Variants in ATE1 observed in about 807,000 individuals in gnomAD.
ATE1 encodes arginyl-tRNA--protein transferase 1.
Under a neutral mutation model 70.5 loss-of-function variants are expected in ATE1, and 36 were observed. The observed-to-expected ratio is 0.51, with a 90% CI of 0.39 to 0.67. The LOEUF is 0.67. ATE1 is among the 30% of genes least tolerant of loss of function. ATE1 has a pLI of 0.00. For missense variants in ATE1, 593 were observed against 629.5 expected, an observed-to-expected ratio of 0.94 and a Z score of 0.62; for synonymous variants, 232 against 219.3, an observed-to-expected ratio of 1.06 and a Z score of -0.51.
Position 121,893,001 on chromosome 10 carries a change from G to A in ATE1, c.942+6865C>T, listed in dbSNP as rs1008945354. 5.3e-5 allele frequency among the ~76,000 whole-genome samples: 8 copies of A among 152,198 alleles called. No homozygotes were observed. In the South Asian group the frequency reaches 1.5e-3, roughly 28 times the overall value. ...CTGACTTAAAAAGCAATTGTAGGCC[G>A]GGCACGGTGGCTTACGCTTGTAATC... On this transcript the variant is annotated intron_variant, in intron 7 of 11. Transcript: ENST00000224652.
intron 11 of ATE1, among the ~76,000 whole-genome samples, chr10:121,767,367 A>G (rs564673666): frequency 6.6e-6 from 1 of 152,332 alleles, no homozygotes; most frequent in South Asian, 2.1e-4. Context: ...TTTTTATTCA[A>G]AATAGTACTA....
At chr10:121,789,500 T>C (rs1360601491) in intron 11 of ATE1, among the ~76,000 whole-genome samples, 2 of 151,996 alleles carry the variant, frequency 1.3e-5, no homozygotes, top group African/African-American at 2.4e-5. Context: ...GGTTTCACCA[T>C]GTTGGCCAGG....
At chr10:121,869,937 C>T (rs567630054) in intron 8 of ATE1, 69 bp downstream of exon 8, 14 of 1,402,262 alleles carry the variant, frequency 1.0e-5, no homozygotes, top group East Asian at 6.9e-5. Flanking sequence ...AAATAAATGC[C>T]TAATGAAAGA....
At chr10:121,886,339 T>C (rs1590630209) in intron 7 of ATE1, among the ~76,000 whole-genome samples, 1 of 151,532 alleles carries the variant, frequency 6.6e-6, no homozygotes, top group African/African-American at 2.4e-5. Context: ...ACTGTCTGTG[T>C]GGAGCTTGCA....
chr10:121,764,069 A>G (rs1945171485), intron 11 of ATE1, among the ~76,000 whole-genome samples: 1 of 152,150 alleles, frequency 6.6e-6, no homozygotes, highest in Non-Finnish European at 1.5e-5. Flanking sequence ...GTTAACAATA[A>G]TGGATCAATA....
intron 8 of ATE1, among the ~76,000 whole-genome samples, chr10:121,845,567 A>C (rs1291075666): frequency 6.6e-6 from 1 of 152,198 alleles, no homozygotes; most frequent in African/African-American, 2.4e-5. Context: ...GCGGTTTCTA[A>C]GAATGAAGGT....
chr10:121,898,260 G>T (rs920409539), intron 7 of ATE1, among the ~76,000 whole-genome samples: 2 of 152,110 alleles, frequency 1.3e-5, no homozygotes, highest in Non-Finnish European at 2.9e-5. Context: ...TACAATGATG[G>T]AAAACGATTC....
intron 3 of ATE1, among the ~76,000 whole-genome samples, chr10:121,914,119 T>C (rs1951550536): frequency 6.6e-6 from 1 of 151,900 alleles, no homozygotes; most frequent in African/African-American, 2.4e-5. Flanking sequence ...CAGACTGGAG[T>C]ACACTGGCAC....
chr10:121,830,983 T>C (rs1481092521), intron 10 of ATE1, among the ~76,000 whole-genome samples: 1 of 152,222 alleles, frequency 6.6e-6, no homozygotes, highest in Non-Finnish European at 1.5e-5. Context: ...TGTGATCATG[T>C]TTCCAAATTC....
At chr10:121,762,852 T>C (rs1945110362) in intron 11 of ATE1, among the ~76,000 whole-genome samples, 1 of 152,244 alleles carries the variant, frequency 6.6e-6, no homozygotes, top group East Asian at 1.9e-4. Context: ...TTTTAGAAAT[T>C]TGGTCATACT....
intron 11 of ATE1, among the ~76,000 whole-genome samples, chr10:121,782,980 T>C (rs1946058236): frequency 1.3e-5 from 2 of 152,196 alleles, no homozygotes; most frequent in Admixed American, 6.5e-5. Flanking sequence ...TGTGATAGTG[T>C]GAGTTAATAC....
At chr10:121,844,262 T>C (rs997766252) in intron 8 of ATE1, among the ~76,000 whole-genome samples, 4 of 152,112 alleles carry the variant, frequency 2.6e-5, no homozygotes, top group Non-Finnish European at 4.4e-5. Context: ...GTCTTTATTT[T>C]TAAAAATAAG....
intron 11 of ATE1, among the ~76,000 whole-genome samples, chr10:121,759,996 A>G (rs1944973222): frequency 6.6e-6 from 1 of 152,218 alleles, no homozygotes; most frequent in Non-Finnish European, 1.5e-5. Context: ...TATAAATGGA[A>G]CAACAAAGCC....
chr10:121,798,946 T>C (rs1272039568), intron 10 of ATE1, among the ~76,000 whole-genome samples: 2 of 116,084 alleles, frequency 1.7e-5, no homozygotes, highest in Admixed American at 9.0e-5. Context: ...ACTTCTACTG[T>C]ATAGATAAAA....
At chr10:121,756,620 T>G (rs1944813026) in intron 11 of ATE1, among the ~76,000 whole-genome samples, 1 of 152,244 alleles carries the variant, frequency 6.6e-6, no homozygotes, top group Non-Finnish European at 1.5e-5. Context: ...TCTTGACTTC[T>G]GTGCACCCAC....
intron 10 of ATE1, among the ~76,000 whole-genome samples, chr10:121,814,452 G>C (rs1016598109): frequency 3.3e-5 from 5 of 152,204 alleles, no homozygotes; most frequent in African/African-American, 9.7e-5. Context: ...GCAGGATGGA[G>C]GAAGCTGGTG....
chr10:121,892,334 T>C (rs955151054), intron 7 of ATE1, among the ~76,000 whole-genome samples: 3 of 151,898 alleles, frequency 2.0e-5, no homozygotes, highest in Non-Finnish European at 4.4e-5. Context: ...AGCCCCAAAT[T>C]TAATTATCTT....
intron 7 of ATE1, among the ~76,000 whole-genome samples, chr10:121,884,888 A>C (rs1264813744): frequency 6.6e-6 from 1 of 152,208 alleles, no homozygotes; most frequent in East Asian, 1.9e-4. Context: ...TGCTTAAAGA[A>C]ACTGGCTTCC....
chr10:121,788,484 T>C (rs1486419497), intron 11 of ATE1, among the ~76,000 whole-genome samples: 2 of 152,166 alleles, frequency 1.3e-5, no homozygotes, highest in South Asian at 2.1e-4. Context: ...CTTGATTTCA[T>C]AACAGCTTTT....
Sources: gnomAD v4.1 joint callset for allele counts (sites outside exome capture counted in the v4.1 genomes callset) on GRCh38, gnomAD v4.1.1 for gene constraint, MANE v1.5 for transcripts, NCBI Gene and HGNC (gene_info 2026-07-23, HGNC 2026-07-21) for gene names.